The following MAN1A2 variants were observed in gnomAD, a reference collection of about 807,000 sequenced individuals.
The protein encoded by MAN1A2 is mannosidase alpha class 1A member 2.
In MAN1A2, 26 loss-of-function variants were observed where a neutral mutation model predicts 75.7. That is an observed-to-expected ratio of 0.34 (90% CI 0.25 to 0.48). The LOEUF (loss-of-function observed/expected upper bound fraction) is 0.48. Ranked by LOEUF, MAN1A2 falls within the 20% of genes least tolerant of loss-of-function variation. The pLI is 0.99. For synonymous variants in MAN1A2, 247 were observed against 264.6 expected, an observed-to-expected ratio of 0.93 and a Z score of 0.65; for missense variants, 562 against 775.5, an observed-to-expected ratio of 0.72 and a Z score of 3.27.
At chr1:117,378,417 T>A (rs1289820) in intron 1 of MAN1A2, among the ~76,000 whole-genome samples, 23 of 152,118 alleles carry the variant, frequency 1.5e-4, no homozygotes, top group African/African-American at 5.1e-4. Flanking sequence ...ACAATTTCAC[T>A]TTTGGGCTCT....
chr1:117,398,748 G>A (rs1647300130), intron 1 of MAN1A2, among the ~76,000 whole-genome samples: 1 of 151,650 alleles, frequency 6.6e-6, no homozygotes, highest in African/African-American at 2.4e-5. Context: ...ATGAGATGAA[G>A]CTTGAGAGAT....
At chr1:117,394,698 G>A (rs1220402311) in intron 1 of MAN1A2, among the ~76,000 whole-genome samples, 1 of 152,136 alleles carries the variant, frequency 6.6e-6, no homozygotes, top group Non-Finnish European at 1.5e-5. Context: ...TGGTAAAGCA[G>A]GTTTGAGGAA....
chr1:117,399,961 G>A (rs979898061), intron 1 of MAN1A2, among the ~76,000 whole-genome samples: 1 of 152,162 alleles, frequency 6.6e-6, no homozygotes, highest in Admixed American at 6.5e-5. Flanking sequence ...GTTCTCTGGG[G>A]TTAGTAGTAC....
intron 1 of MAN1A2, among the ~76,000 whole-genome samples, chr1:117,393,661 T>G (rs1390730995): frequency 6.6e-6 from 1 of 152,188 alleles, no homozygotes; most frequent in African/African-American, 2.4e-5. Flanking sequence ...ATTTAGCATT[T>G]TTTTTTAGTC....
At chr1:117,392,743 C>A (rs1193667614) in intron 1 of MAN1A2, among the ~76,000 whole-genome samples, 1 of 152,176 alleles carries the variant, frequency 6.6e-6, no homozygotes, top group Non-Finnish European at 1.5e-5. Context: ...GAAACAAAAT[C>A]TTTTAATAGC....
chr1:117,368,218 G>A lies in MAN1A2; in HGVS notation c.35G>A (p.Arg12His). 1 of 1,613,868 alleles carries A rather than the reference G, an allele frequency of 6.2e-7. No homozygotes were observed. The highest frequency in any genetic ancestry group is 8.5e-7 in the Non-Finnish European group (1 of 1,179,936). Residue 12 changes from arginine (R) to histidine (H), a missense_variant, in exon 1 of 13, where the codon CGT becomes CAT. This residue lies in a region of MAN1A2 where 128 missense variants were observed against 129.8 expected (regional missense o/e 0.99). Coordinates refer to ENST00000356554, the MANE Select transcript of MAN1A2 (RefSeq NM_006699.5). ...TTPALLPLSGRRIPPLNLGPP... is the reference protein window; with the variant it reads ...TTPALLPLSGHRIPPLNLGPP... ...CCAGCCCTGCTGCCCCTCTCTGGAC[G>A]TAGGATACCACCTCTGAACCTGGGG...
chr1:117,442,393 A>G (rs1649065645), intron 6 of MAN1A2, 68 bp downstream of exon 6: 5 of 983,956 alleles, frequency 5.1e-6, no homozygotes, highest in East Asian at 4.8e-5. Context: ...GAAATTTCTA[A>G]TGAGTCACCC....
intron 1 of MAN1A2, among the ~76,000 whole-genome samples, chr1:117,393,185 C>T (rs990156577): frequency 4.6e-5 from 7 of 152,164 alleles, no homozygotes; most frequent in Non-Finnish European, 5.9e-5. Context: ...TGTTCATTTG[C>T]TGTTGAAAAT....
intron 6 of MAN1A2, among the ~76,000 whole-genome samples, chr1:117,456,139 A>AC (rs919992851): frequency 7.2e-5 from 11 of 152,204 alleles, no homozygotes; most frequent in African/African-American, 2.6e-4. Flanking sequence ...ACTAAGGAAG[A>AC]CATCTACAAA....
intron 1 of MAN1A2, among the ~76,000 whole-genome samples, chr1:117,391,409 A>C (rs547341846): frequency 6.6e-6 from 1 of 152,236 alleles, no homozygotes; most frequent in South Asian, 2.1e-4. Flanking sequence ...TAACATTGTG[A>C]ATTTGTTTAC....
chr1:117,478,258 T>C (rs1320649715), intron 8 of MAN1A2, among the ~76,000 whole-genome samples: 3 of 152,096 alleles, frequency 2.0e-5, no homozygotes, highest in Admixed American at 6.6e-5. Context: ...AAATCTCTTG[T>C]CTACTGCCTA....
At chr1:117,408,966 G>A (rs1322092055) in intron 3 of MAN1A2, among the ~76,000 whole-genome samples, 3 of 152,018 alleles carry the variant, frequency 2.0e-5, no homozygotes, top group Non-Finnish European at 1.5e-5. Context: ...TTGAATGTCT[G>A]TGGCAGCTGT....
chr1:117,503,630 C>T (rs75070638), intron 12 of MAN1A2, among the ~76,000 whole-genome samples: 4 of 151,492 alleles, frequency 2.6e-5, no homozygotes, highest in Non-Finnish European at 4.4e-5. Flanking sequence ...CATACTCGCT[C>T]TTAAATTTAT....
intron 6 of MAN1A2, among the ~76,000 whole-genome samples, chr1:117,455,353 A>AGTGT (rs1649546318): frequency 6.6e-6 from 1 of 152,196 alleles, no homozygotes; most frequent in East Asian, 1.9e-4. Context: ...TGGTGGAGGA[A>AGTGT]GTGTGTGTGT....
At chr1:117,468,233 AGC>A (rs926529984) in intron 8 of MAN1A2, among the ~76,000 whole-genome samples, 10 of 152,110 alleles carry the variant, frequency 6.6e-5, no homozygotes, top group Non-Finnish European at 1.3e-4. Context: ...GGCGGGGAAA[AGC>A]CCCTTATAAA....
intron 5 of MAN1A2, among the ~76,000 whole-genome samples, chr1:117,429,450 C>T (rs1648504724): frequency 7.7e-6 from 1 of 130,554 alleles, no homozygotes; most frequent in South Asian, 2.6e-4. Context: ...CCCCCACCTC[C>T]CTCCCGGAGG....
intron 5 of MAN1A2, among the ~76,000 whole-genome samples, chr1:117,431,193 GAGGGA>G (rs1375567021): frequency 7.9e-5 from 6 of 75,602 alleles, no homozygotes; most frequent in African/African-American, 2.5e-4. Flanking sequence ...ACCGTGGGGA[GAGGGA>G]GGGGGAGGGG....
intron 9 of MAN1A2, chr1:117,494,688 A>T (rs1432234945): frequency 6.6e-6 from 1 of 152,060 alleles, no homozygotes; most frequent in Non-Finnish European, 1.5e-5. Flanking sequence ...AAGAATATAA[A>T]TTTTAGTAGG....
At chr1:117,489,134 C>T (rs1240450184) in intron 8 of MAN1A2, among the ~76,000 whole-genome samples, 3 of 152,020 alleles carry the variant, frequency 2.0e-5, no homozygotes, top group South Asian at 4.2e-4. Flanking sequence ...ACGTTTATAT[C>T]GTAACTTAGC....
Sources: gnomAD v4.1 joint callset for allele counts (sites outside exome capture counted in the v4.1 genomes callset) on GRCh38, gnomAD v4.1.1 for gene constraint, gnomAD v4.1.1 regional missense constraint, MANE v1.5 for transcripts, NCBI Gene and HGNC (gene_info 2026-07-23, HGNC 2026-07-21) for gene names.